The following FANCD2 variants were observed in gnomAD, a reference collection of about 807,000 sequenced individuals.
FANCD2 encodes the protein Fanconi anemia group D2 protein.
A neutral mutation model predicts 192.3 loss-of-function variants in FANCD2; 131 were observed. The observed-to-expected ratio is 0.68, with a 90% CI of 0.59 to 0.79. FANCD2 has a LOEUF of 0.79. FANCD2 is among the 30% of genes least tolerant of loss of function. The pLI, the probability that FANCD2 is intolerant of heterozygous loss-of-function variation, is 0.00. For missense variants in FANCD2, 1,508 were observed against 1,701.6 expected, an observed-to-expected ratio of 0.89 and a Z score of 2.00; for synonymous variants, 524 against 612.5, an observed-to-expected ratio of 0.86 and a Z score of 2.13.
intron 41 of FANCD2, among the ~76,000 whole-genome samples, chr3:10,095,655 C>T (rs1304484859): frequency 6.6e-6 from 1 of 152,200 alleles, no homozygotes; most frequent in Non-Finnish European, 1.5e-5. Flanking sequence ...ATCTGTGCCA[C>T]TTACTTTCAA....
intron 18 of FANCD2, among the ~76,000 whole-genome samples, chr3:10,053,521 G>A (rs189205221): frequency 4.2e-5 from 6 of 143,508 alleles, no homozygotes; most frequent in Admixed American, 2.1e-4. Flanking sequence ...AAAACTTACA[G>A]TATAATAATA....
chr3:10,038,751 T>G (rs551349008), intron 7 of FANCD2, among the ~76,000 whole-genome samples: 1 of 151,986 alleles, frequency 6.6e-6, no homozygotes, highest in South Asian at 2.1e-4. Flanking sequence ...CAGCTAATTT[T>G]TGTATTTTTA....
intron 26 of FANCD2, among the ~76,000 whole-genome samples, chr3:10,067,927 CAT>C (rs1344851643): frequency 1.3e-5 from 2 of 152,120 alleles, no homozygotes; most frequent in African/African-American, 2.4e-5. Context: ...ACAAAAACCA[CAT>C]GATATTTAAA....
intron 18 of FANCD2, 125 bp from the exon 19 acceptor site, chr3:10,060,167 CAA>C (rs111589951): frequency 2.4e-3 from 1,307 of 540,018 alleles, no homozygotes; most frequent in East Asian, 3.2e-3. Flanking sequence ...AAGTCCGTCT[CAA>C]AAAAAAAAAA....
At chr3:10,074,461 A>C in intron 28 of FANCD2, 69 bp from the exon 29 acceptor site, 2 of 1,389,446 alleles carry the variant, frequency 1.4e-6, no homozygotes, top group South Asian at 2.6e-5. Flanking sequence ...TGTACTTTGA[A>C]GTTTTTATTA....
intron 35 of FANCD2, 119 bp from the exon 36 acceptor site, chr3:10,088,707 TTC>T (rs1694391194): frequency 8.4e-7 from 1 of 1,184,514 alleles, no homozygotes; most frequent in African/African-American, 1.5e-5. Flanking sequence ...GATCCTCTGG[TTC>T]TGTTTTATAC....
At chr3:10,096,997 G>A (rs1167028102) in intron 42 of FANCD2, among the ~76,000 whole-genome samples, 1 of 152,130 alleles carries the variant, frequency 6.6e-6, no homozygotes, top group Non-Finnish European at 1.5e-5. Flanking sequence ...TTAAAGCTGG[G>A]CGTCCGGGGG....
At chr3:10,067,612 A>T (rs764851623) in intron 26 of FANCD2, among the ~76,000 whole-genome samples, 13 of 152,200 alleles carry the variant, frequency 8.5e-5, no homozygotes, top group African/African-American at 1.9e-4. Context: ...AGCCTGGCCA[A>T]CATGGTGAAA....
intron 14 of FANCD2, among the ~76,000 whole-genome samples, chr3:10,046,161 C>T (rs2087002427): frequency 6.7e-6 from 1 of 150,178 alleles, no homozygotes. Context: ...TCACGCCATT[C>T]TCCTGCCTCA....
intron 40 of FANCD2, chr3:10,094,747 G>A (rs1199345449): frequency 3.1e-6 from 1 of 319,790 alleles, no homozygotes; most frequent in Admixed American, 4.6e-5. Context: ...ACCCTTTGCT[G>A]TGGTAATGAA....
At chr3:10,053,729 C>A (rs1186026051) in intron 18 of FANCD2, among the ~76,000 whole-genome samples, 1 of 151,476 alleles carries the variant, frequency 6.6e-6, no homozygotes, top group Non-Finnish European at 1.5e-5. Context: ...ACATTAAGTG[C>A]CTATTCTGTG....
At chr3:10,054,751 G>C (rs1245272614) in intron 18 of FANCD2, among the ~76,000 whole-genome samples, 8 of 150,814 alleles carry the variant, frequency 5.3e-5, no homozygotes, top group Non-Finnish European at 7.4e-5. Context: ...CCAAAGTGCT[G>C]GGATTACAGG....
chr3:10,097,523 C>T (rs1042568091), intron 42 of FANCD2, among the ~76,000 whole-genome samples: 1 of 152,210 alleles, frequency 6.6e-6, no homozygotes, highest in African/African-American at 2.4e-5. Flanking sequence ...AAACATGGTT[C>T]TGTTCCGCCC....
chr3:10,026,541 C>G (rs1180564837), intron 1 of FANCD2, 68 bp downstream of exon 1: 1 of 456,998 alleles, frequency 2.2e-6, no homozygotes, highest in African/African-American at 2.1e-5. Flanking sequence ...TCTCTAAGTC[C>G]GGGCCGCGGT....
chr3:10,072,726 A>C (rs901700028), intron 26 of FANCD2, 145 bp from the exon 27 acceptor site: 1 of 668,946 alleles, frequency 1.5e-6, no homozygotes, highest in African/African-American at 1.8e-5. Context: ...AAACAATGTC[A>C]GATGACTTGA....
In FANCD2 at chr3:10,046,055, C is replaced by CTTTTTTTTTTTTTTTTTTT. The variant is rs57661428; in HGVS notation, c.1135-510_1135-509insTTTTTTTTTTTTTTTTTTT. ...ACTTTCATGCATATTGCTCTGTATT[C>CTTTTTTTTTTTTTTTTTTT]TTTTTTTTTTTTTTTGAGAATGGAA... On this transcript the variant is annotated intron_variant, in intron 14 of 43. Transcript: ENST00000675286. Among the ~76,000 whole-genome samples, 83 of 124,404 alleles carry CTTTTTTTTTTTTTTTTTTT rather than the reference C, an allele frequency of 6.7e-4. 3 individuals carry two copies. Among genetic ancestry groups the CTTTTTTTTTTTTTTTTTTT allele is most frequent in the African/African-American group, 9.2e-4 (28 of 30,348 alleles). 81.6% of individuals were successfully genotyped at this position (124,404 alleles called of 152,430 possible). A position where few individuals can be genotyped will look rare whatever the true frequency, so the allele number is the denominator to read the frequency against.
chr3:10,073,010 T>A (rs1350565633), intron 27 of FANCD2, 29 bp downstream of exon 27: 1 of 1,296,890 alleles, frequency 7.7e-7, no homozygotes, highest in Non-Finnish European at 1.1e-6. Flanking sequence ...TCTTGTCTTG[T>A]GTCTCTAAAT....
At chr3:10,088,807 A>T in intron 35 of FANCD2, 21 bp from the exon 36 acceptor site, 4 of 1,613,696 alleles carry the variant, frequency 2.5e-6, no homozygotes, top group Non-Finnish European at 2.5e-6. Context: ...TAGTGGGTCA[A>T]ATATTTGACT....
At chr3:10,041,526 TTATTTTCATACTCTAA>T in intron 9 of FANCD2, 81 bp from the exon 10 acceptor site, 1 of 919,016 alleles carries the variant, frequency 1.1e-6, no homozygotes, top group Non-Finnish European at 1.8e-6. Flanking sequence ...AGTATGTCCT[TTATTTTCATACTCTAA>T]TAAATGATTT....
Sources: allele counts gnomAD v4.1 joint callset (sites outside exome capture counted in the v4.1 genomes callset), GRCh38; gene constraint gnomAD v4.1.1; transcripts MANE v1.5; gene names NCBI Gene and HGNC (gene_info 2026-07-23, HGNC 2026-07-21).